Variants in MARK2 observed in about 807,000 individuals in gnomAD.
MARK2 encodes serine/threonine-protein kinase MARK2.
Under a neutral mutation model 89.8 loss-of-function variants are expected in MARK2, and 16 were observed. The observed-to-expected ratio is 0.18, with a 90% confidence interval of 0.12 to 0.27. MARK2 has a LOEUF of 0.27. Among genes scored for constraint, MARK2 ranks in the 10% least tolerant of loss-of-function variants. MARK2 has a pLI of 1.00. For missense variants in MARK2, 621 were observed against 1,049.9 expected (o/e 0.59, Z 5.65); for synonymous variants, 382 against 399.5 (o/e 0.96, Z 0.52).
chr11:63,904,710 C>A lies in MARK2; in HGVS notation c.1677-76C>A. ...AGCATCCCCCTCCCTGTCCCCACCA[C>A]AGGGTGTCCAGGTGCCCAGTGATGG... On this transcript the variant is annotated intron_variant, in intron 15 of 18. Coordinates refer to ENST00000402010, the MANE Select transcript of MARK2 (RefSeq NM_001039469.3). This position sits in a 1 kb window ranked among gnomAD's most constrained non-coding sequence, Gnocchi z 6.3. 1.5e-6 allele frequency: 2 copies of A among 1,377,532 alleles called. No individual in the cohort carries two copies. Among genetic ancestry groups the A allele is most frequent in the Admixed American group, 1.7e-5 (1 of 58,392 alleles). 85.3% of individuals were successfully genotyped at this position (1,377,532 alleles called of 1,614,324 possible). A position where few individuals can be genotyped will look rare whatever the true frequency, so the allele number is the denominator to read the frequency against.
At chr11:63,879,799 G>C (rs542087000) in intron 1 of MARK2, among the ~76,000 whole-genome samples, 170 of 152,272 alleles carry the variant, frequency 1.1e-3, no homozygotes, top group Non-Finnish European at 1.7e-3. Context: ...TGGCCATGGT[G>C]ACTTCTGGAG....
chr11:63,877,886 A>T (rs1282357626), intron 1 of MARK2, among the ~76,000 whole-genome samples: 2 of 152,174 alleles, frequency 1.3e-5, no homozygotes, highest in Non-Finnish European at 2.9e-5. Context: ...AAGCTGACAT[A>T]TACTCAGTCT....
chr11:63,885,549 G>C lies in MARK2; in HGVS notation c.55-9610G>C, dbSNP rs367876762. On this transcript the variant is annotated intron_variant, in intron 1 of 18. Coordinates refer to ENST00000402010, the MANE Select transcript of MARK2 (RefSeq NM_001039469.3). ...GTCATACCTTGTCTTGAAAAAAAAA[G>C]AGAGGCTGGGCGTAGTGGCCCATGT... Among the ~76,000 whole-genome samples the C allele has an allele frequency of 1.5e-3, 220 of 150,654 alleles. 1 individual carries two copies. The highest frequency in any genetic ancestry group is 5.0e-3 in the African/African-American group (207 of 41,032).
chr11:63,874,128 C>G (rs899130744), intron 1 of MARK2, among the ~76,000 whole-genome samples: 2 of 152,180 alleles, frequency 1.3e-5, no homozygotes, highest in Admixed American at 1.3e-4. Context: ...CTGTGTCTTG[C>G]GGCCAGCGAC....
Position 63,903,951 on chromosome 11 carries a change from C to T in MARK2, c.1515-35C>T, listed in dbSNP as rs772673687. On this transcript the variant is annotated intron_variant, in intron 14 of 18. Coordinates refer to ENST00000402010, the MANE Select transcript of MARK2 (RefSeq NM_001039469.3). This position sits in a 1 kb window ranked among gnomAD's most constrained non-coding sequence, Gnocchi z 5.1. The stretch of plus-strand genomic sequence containing the variant: ...CCAGGCCTCCCGCCCTCACTCACCC[C>T]TAACACGGGCCTCTCCGCTGCTTTT... The T allele has an allele frequency of 6.4e-7, 1 of 1,573,692 alleles. No homozygotes were observed. The highest frequency in any genetic ancestry group is 2.3e-5 in the East Asian group (1 of 43,936).
Position 63,900,891 on chromosome 11 carries a change from C to T in MARK2, c.988+12C>T, listed in dbSNP as rs1940807568. The T allele has an allele frequency of 1.2e-6, 2 of 1,613,586 alleles. No homozygotes were observed. Among genetic ancestry groups the T allele is most frequent in the Non-Finnish European group, 1.7e-6 (2 of 1,179,456 alleles). ...CCCCCGGCGGACAGGTGAGGCTGTG[C>T]CGGGCTGTGAGGTTAAGCTTGCCTA... On this transcript the variant is annotated intron_variant, in intron 10 of 18. Transcript: ENST00000402010. This position sits in a 1 kb window ranked among gnomAD's most constrained non-coding sequence, Gnocchi z 4.7.
intron 1 of MARK2, among the ~76,000 whole-genome samples, chr11:63,849,479 G>A (rs1488052442): frequency 6.6e-6 from 1 of 152,146 alleles, no homozygotes; most frequent in African/African-American, 2.4e-5. Flanking sequence ...TGGGCCGGGC[G>A]CGGTGGCTCA....
In MARK2 at chr11:63,859,926, G is replaced by A. The variant is rs114872488; in HGVS notation, c.54+20366G>A. Among the ~76,000 whole-genome samples, 186 of 152,126 alleles carry A rather than the reference G, an allele frequency of 1.2e-3. 1 individual carries two copies. Among genetic ancestry groups the A allele is most frequent in the African/African-American group, 4.1e-3 (172 of 41,526 alleles). Reference sequence around the variant, plus strand: ...ATGACAGTCATGAGCCACCACATCCGGCCTCTAACCCTTGTTTCTTAATGA... The same window carrying A: ...ATGACAGTCATGAGCCACCACATCCAGCCTCTAACCCTTGTTTCTTAATGA... On this transcript the variant is annotated intron_variant, in intron 1 of 18. Coordinates refer to ENST00000402010, the MANE Select transcript of MARK2 (RefSeq NM_001039469.3).
intron 1 of MARK2, among the ~76,000 whole-genome samples, chr11:63,891,806 C>T (rs1198102692): frequency 6.6e-6 from 1 of 152,152 alleles, no homozygotes; most frequent in Non-Finnish European, 1.5e-5. Context: ...TCTAGCAGCA[C>T]TGAAAGGGAG....
chr11:63,901,207 G>A (rs1940835710), intron 11 of MARK2, 138 bp downstream of exon 11: 3 of 649,398 alleles, frequency 4.6e-6, no homozygotes, highest in Non-Finnish European at 8.4e-6. Flanking sequence ...CCTCAGCTTT[G>A]GTGTCTAAGG....
chr11:63,867,498 T>C (rs1182673913), intron 1 of MARK2, among the ~76,000 whole-genome samples: 1 of 152,350 alleles, frequency 6.6e-6, no homozygotes. Context: ...CCCTTCCACC[T>C]CCTTCCCAAG....
chr11:63,902,485 C>T lies in MARK2; in HGVS notation c.1235-116C>T. ...GCAAGCCACTTCCCTTCCCTCGCCTCTGTGGAATGGGGGCTTGCTGGGTTG... is the reference window on the plus strand; with the variant it reads ...GCAAGCCACTTCCCTTCCCTCGCCTTTGTGGAATGGGGGCTTGCTGGGTTG... On this transcript the variant is annotated intron_variant, in intron 12 of 18. Coordinates refer to ENST00000402010, the MANE Select transcript of MARK2 (RefSeq NM_001039469.3). The surrounding 1 kb of genome is among the most constrained non-coding windows in gnomAD (Gnocchi z 4.2). 7.2e-7 allele frequency: 1 copy of T among 1,380,436 alleles called. No homozygotes were observed. The allele number at this position is 1,380,436 out of a possible 1,614,324, so 85.5% of individuals were successfully genotyped here. A position where few individuals can be genotyped will look rare whatever the true frequency, so the allele number is the denominator to read the frequency against.
intron 17 of MARK2, among the ~76,000 whole-genome samples, chr11:63,907,189 C>T (rs1941409299): frequency 6.6e-6 from 1 of 152,038 alleles, no homozygotes; most frequent in Admixed American, 6.5e-5. Flanking sequence ...CACATTGGTG[C>T]CACAGCTGAT....
chr11:63,898,926 G>GGA, intron 6 of MARK2, 93 bp downstream of exon 6: 1 of 1,298,790 alleles, frequency 7.7e-7, no homozygotes, highest in African/African-American at 1.5e-5. Context: ...AGTGGCCCTT[G>GGA]GAGGGTACTT....
intron 1 of MARK2, among the ~76,000 whole-genome samples, chr11:63,884,624 C>T (rs953059306): frequency 6.6e-6 from 1 of 152,212 alleles, no homozygotes; most frequent in African/African-American, 2.4e-5. Flanking sequence ...CTCCCATCTA[C>T]AATGGGACAG....
intron 1 of MARK2, among the ~76,000 whole-genome samples, chr11:63,872,317 CT>C (rs766842355): frequency 6.3e-4 from 96 of 152,316 alleles, no homozygotes; most frequent in Non-Finnish European, 1.1e-3. Flanking sequence ...GAGAGTCCCT[CT>C]TCCCTCACAA....
intron 1 of MARK2, among the ~76,000 whole-genome samples, chr11:63,869,589 T>G (rs1938334627): frequency 6.6e-6 from 1 of 152,036 alleles, no homozygotes. Flanking sequence ...GGGAGGGAGA[T>G]GATCCTTCTT....
intron 1 of MARK2, among the ~76,000 whole-genome samples, chr11:63,849,399 A>G (rs1221445041): frequency 1.3e-5 from 2 of 152,196 alleles, no homozygotes; most frequent in Admixed American, 1.3e-4. Context: ...AGCTGAGAGG[A>G]GAGTCCAAAC....
In MARK2 at chr11:63,902,053, G is replaced by C. The variant is rs1478715353; in HGVS notation, c.1102-145G>C. The C allele has an allele frequency of 2.7e-6, 2 of 748,358 alleles. No individual in the cohort carries two copies. The highest frequency in any genetic ancestry group is 2.2e-6 in the Non-Finnish European group (1 of 461,574). 46.4% of individuals were successfully genotyped at this position (748,358 alleles called of 1,614,324 possible). ...TGTCTCCAGGGTCTCCTCCAGGGGG[G>C]ATGTATTGGTCTTACAAGTGGATGT... On this transcript the variant is annotated intron_variant, in intron 11 of 18. Transcript: ENST00000402010. This position sits in a 1 kb window ranked among gnomAD's most constrained non-coding sequence, Gnocchi z 4.2.
Sources: allele counts gnomAD v4.1 joint callset (sites outside exome capture counted in the v4.1 genomes callset), GRCh38; gene constraint gnomAD v4.1.1; non-coding constraint Gnocchi (gnomAD v3.1); transcripts MANE v1.5; gene names NCBI Gene and HGNC (gene_info 2026-07-23, HGNC 2026-07-21).